PRUNE2: variants seen among roughly 807,000 people sequenced by gnomAD.
PRUNE2 encodes prune homolog 2 with BCH domain, also known as protein prune homolog 2.
In PRUNE2, 164 loss-of-function variants were observed where a neutral mutation model predicts 252.0. That is an observed-to-expected ratio of 0.65 (90% CI 0.57 to 0.74). PRUNE2 has a LOEUF of 0.74. Ranked by LOEUF, PRUNE2 falls within the 30% of genes least tolerant of loss-of-function variation. The probability of loss-of-function intolerance (pLI) is 0.00; values close to 1 mark genes in which losing one functional copy is unlikely to be tolerated. For synonymous variants in PRUNE2, 1,292 were observed against 1,350.2 expected, an observed-to-expected ratio of 0.96 and a Z score of 0.94; for missense variants, 3,495 against 3,711.0, an observed-to-expected ratio of 0.94 and a Z score of 1.51.
At chr9:76,890,731 C>T (rs944559) in intron 1 of PRUNE2, among the ~76,000 whole-genome samples, 92,501 of 151,820 alleles carry the variant, frequency 0.61, 28,718 homozygotes, top group African/African-American at 0.73. Flanking sequence ...TCATACTGTA[C>T]ACAAATCATC....
In PRUNE2 at chr9:76,705,987, T is replaced by C. The variant is rs1397551005; in HGVS notation, c.6287A>G (p.Asp2096Gly). Residue 2096 changes from aspartate to glycine, a missense_variant, in exon 8 of 19, where the codon GAC becomes GGC. Asp to Gly is a moderately conservative substitution (Grantham distance 94). Coordinates refer to ENST00000376718, the MANE Select transcript of PRUNE2 (RefSeq NM_015225.3). ...GCTGTCGGAAGCCTGAGAATTGCTG[T>C]CATGTTCGCAGTGCGTCAGGATATC... Reference protein sequence around the residue: ...NPDILTHCEHDSNSQASDSPD... With the variant: ...NPDILTHCEHGSNSQASDSPD... 49 of 1,613,886 alleles carry C rather than the reference T, an allele frequency of 3.0e-5. No individual in the cohort carries two copies. Among genetic ancestry groups the C allele is most frequent in the Non-Finnish European group, 3.8e-5 (45 of 1,179,894 alleles).
intron 9 of PRUNE2, among the ~76,000 whole-genome samples, chr9:76,700,863 AAAGTG>A (rs1564075294): frequency 3.9e-5 from 6 of 152,180 alleles, no homozygotes. Context: ...TGCCCTATGT[AAAGTG>A]AAATAGCGCA....
intron 1 of PRUNE2, among the ~76,000 whole-genome samples, chr9:76,899,956 A>G (rs1396799436): frequency 6.6e-6 from 1 of 152,154 alleles, no homozygotes; most frequent in East Asian, 1.9e-4. Context: ...AGTGATGAGG[A>G]GGTTTTAAGG....
At chr9:76,643,694 G>A (rs2132904611) in intron 12 of PRUNE2, among the ~76,000 whole-genome samples, 1 of 152,328 alleles carries the variant, frequency 6.6e-6, no homozygotes, top group Middle Eastern at 3.4e-3. Flanking sequence ...GCCAGGGACT[G>A]GCATTCACCT....
intron 6 of PRUNE2, among the ~76,000 whole-genome samples, chr9:76,795,381 C>T (rs1397259915): frequency 6.6e-6 from 1 of 152,140 alleles, no homozygotes; most frequent in East Asian, 1.9e-4. Context: ...TAGACCCAGA[C>T]CCCTGCCTTT....
At position 76,823,495 on chromosome 9, in the gene PRUNE2, C is replaced by T. The variant is rs542189960; in HGVS notation, c.756+137G>A. The T allele has an allele frequency of 4.9e-5, 32 of 653,878 alleles. No homozygotes were observed. In the East Asian group the frequency reaches 6.6e-4, roughly 13 times the overall value. 40.5% of individuals were successfully genotyped at this position (653,878 alleles called of 1,614,324 possible). On this transcript the variant is annotated intron_variant, in intron 6 of 18. Coordinates refer to ENST00000376718, the MANE Select transcript of PRUNE2 (RefSeq NM_015225.3). ...TTTTCACCCAAATAATAACCTGCCA[C>T]TATATTCCAAGTCAAATGTATCACA...
chr9:76,685,032 G>A (rs149150997), intron 9 of PRUNE2, among the ~76,000 whole-genome samples: 1,621 of 152,300 alleles, frequency 0.011, 13 homozygotes, highest in Non-Finnish European at 0.016. Flanking sequence ...GATTACAGGC[G>A]TGAGCCACCG....
intron 6 of PRUNE2, among the ~76,000 whole-genome samples, chr9:76,766,097 C>T (rs1267250394): frequency 1.3e-5 from 2 of 150,892 alleles, no homozygotes; most frequent in African/African-American, 2.4e-5. Flanking sequence ...GCAGGAGAAT[C>T]GCTTGAACCC....
At chr9:76,699,224 T>C (rs1248796785) in intron 9 of PRUNE2, among the ~76,000 whole-genome samples, 1 of 152,128 alleles carries the variant, frequency 6.6e-6, no homozygotes, top group Admixed American at 6.5e-5. Context: ...TTCATATAAT[T>C]CAGATAGTGA....
chr9:76,612,163 A>C lies in PRUNE2; in HGVS notation c.*2407T>G, dbSNP rs1425702340. 1 of 152,030 alleles carries C rather than the reference A, an allele frequency of 6.6e-6. No homozygotes were observed. The highest frequency in any genetic ancestry group is 1.5e-5 in the Non-Finnish European group (1 of 68,030). The allele number at this position is 152,030 out of a possible 1,614,324, so 9.4% of individuals were successfully genotyped here. A position where few individuals can be genotyped will look rare whatever the true frequency, so the allele number is the denominator to read the frequency against. On this transcript the variant is annotated 3_prime_UTR_variant, in exon 19 of 19. Coordinates refer to ENST00000376718, the MANE Select transcript of PRUNE2 (RefSeq NM_015225.3). ...ATAAAATAGCAGATACCTAAATATC[A>C]GAGTGGTTATGCAGCCTACAGAACA...
At chr9:76,666,395 C>T (rs1044971655) in intron 9 of PRUNE2, among the ~76,000 whole-genome samples, 8 of 152,370 alleles carry the variant, frequency 5.3e-5, no homozygotes, top group Admixed American at 2.0e-4. Flanking sequence ...TGCTGTGCTT[C>T]ATTGGCCACG....
intron 6 of PRUNE2, among the ~76,000 whole-genome samples, chr9:76,724,074 C>A (rs1047292228): frequency 6.6e-6 from 1 of 150,632 alleles, no homozygotes; most frequent in Non-Finnish European, 1.5e-5. Flanking sequence ...GGATTACAGG[C>A]GTGAGCCACC....
chr9:76,780,027 T>A (rs925105250), intron 6 of PRUNE2: 1 of 152,192 alleles, frequency 6.6e-6, no homozygotes, highest in Non-Finnish European at 1.5e-5. Context: ...ACAAGGACCC[T>A]TGATTTCATA....
chr9:76,656,043 G>A (rs775871298), intron 9 of PRUNE2, among the ~76,000 whole-genome samples: 3 of 152,158 alleles, frequency 2.0e-5, no homozygotes, highest in Non-Finnish European at 2.9e-5. Context: ...ATAGACTGAT[G>A]TTATTTTTCT....
intron 1 of PRUNE2, among the ~76,000 whole-genome samples, chr9:76,869,868 A>G (rs894575537): frequency 3.3e-5 from 5 of 152,236 alleles, no homozygotes; most frequent in Non-Finnish European, 5.9e-5. Context: ...TATGAGGAGA[A>G]CTGACTTGGG....
intron 1 of PRUNE2, 97 bp from the exon 2 acceptor site, chr9:76,854,305 G>A: frequency 1.9e-6 from 1 of 535,154 alleles, no homozygotes; most frequent in South Asian, 3.8e-5. Context: ...TATCCATATT[G>A]ATACACAATG....
intron 18 of PRUNE2, among the ~76,000 whole-genome samples, 191 bp from the exon 19 acceptor site, chr9:76,614,791 A>G (rs751831466): frequency 1.6e-4 from 25 of 152,226 alleles, no homozygotes; most frequent in Non-Finnish European, 2.9e-4. Context: ...TCTCCAACAT[A>G]TGAAATCTGT....
In PRUNE2 at chr9:76,736,135, AGTGTGTGTGT is replaced by A. The variant is rs10536918; in HGVS notation, c.757-22424_757-22415del. ...CTTAGAGATTAGTAGGGTTTGTGTG[AGTGTGTGTGT>A]GTGTGTGTGTGTGTGTATTCAAAAT... On this transcript the variant is annotated intron_variant, in intron 6 of 18. Coordinates refer to ENST00000376718, the MANE Select transcript of PRUNE2 (RefSeq NM_015225.3). Among the ~76,000 whole-genome samples the A allele has an allele frequency of 1.4e-4, 21 of 149,402 alleles. 1 individual carries two copies. The highest frequency in any genetic ancestry group is 6.0e-5 in the Non-Finnish European group (4 of 67,182).
intron 16 of PRUNE2, chr9:76,625,066 G>A (rs1834091993): frequency 7.7e-7 from 1 of 1,301,948 alleles, no homozygotes; most frequent in Non-Finnish European, 1.0e-6. Context: ...TACCTTACAA[G>A]ATAAAAAACG....
Sources: gnomAD v4.1 joint callset for allele counts (sites outside exome capture counted in the v4.1 genomes callset) on GRCh38, gnomAD v4.1.1 for gene constraint, MANE v1.5 for transcripts, NCBI Gene and HGNC (gene_info 2026-07-23, HGNC 2026-07-21) for gene names.